CHRM3: variants seen among roughly 807,000 people sequenced by gnomAD.
The protein encoded by CHRM3 is muscarinic acetylcholine receptor M3.
Under a neutral mutation model 41.8 loss-of-function variants are expected in CHRM3, and 11 were observed. The observed-to-expected ratio is 0.26, with a 90% confidence interval of 0.17 to 0.44. The LOEUF (loss-of-function observed/expected upper bound fraction) is 0.44, where lower values mean the gene tolerates loss of function less well. Ranked by LOEUF, CHRM3 falls within the 20% of genes least tolerant of loss-of-function variation. The pLI, the probability that CHRM3 is intolerant of heterozygous loss-of-function variation, is 1.00. For synonymous variants in CHRM3, 297 were observed against 301.4 expected, an observed-to-expected ratio of 0.99 and a Z score of 0.15; for missense variants, 571 against 745.4, an observed-to-expected ratio of 0.77 and a Z score of 2.72.
intron 1 of CHRM3, among the ~76,000 whole-genome samples, chr1:239,488,859 T>C (rs1406771751): frequency 6.6e-6 from 1 of 151,306 alleles, no homozygotes; most frequent in Non-Finnish European, 1.5e-5. Flanking sequence ...TTCCCCTGTA[T>C]AAATTGTTAG....
intron 3 of CHRM3, among the ~76,000 whole-genome samples, chr1:239,562,888 CAA>C (rs1269385069): frequency 4.1e-4 from 21 of 51,242 alleles, no homozygotes; most frequent in African/African-American, 4.6e-4. Context: ...ACTCTGTCTC[CAA>C]AAAAAAAAAA....
intron 5 of CHRM3, among the ~76,000 whole-genome samples, chr1:239,796,773 G>A (rs906931856): frequency 1.3e-5 from 2 of 152,026 alleles, no homozygotes; most frequent in Non-Finnish European, 2.9e-5. Flanking sequence ...GTGAAGTCTG[G>A]GCTTTTAGTG....
chr1:239,439,257 C>A (rs1663515768), intron 1 of CHRM3, among the ~76,000 whole-genome samples: 1 of 152,190 alleles, frequency 6.6e-6, no homozygotes, highest in Non-Finnish European at 1.5e-5. Context: ...CCCAGGTGGT[C>A]ATGTCAAGAT....
chr1:239,446,901 A>G (rs1316161208), intron 1 of CHRM3, among the ~76,000 whole-genome samples: 2 of 152,188 alleles, frequency 1.3e-5, no homozygotes, highest in African/African-American at 4.8e-5. Flanking sequence ...CATGGAAATT[A>G]CTCACAAAAT....
At chr1:239,668,100 T>C (rs1412381213) in intron 4 of CHRM3, among the ~76,000 whole-genome samples, 7 of 134,438 alleles carry the variant, frequency 5.2e-5, no homozygotes, top group East Asian at 4.2e-4. Flanking sequence ...TTTTTTTTTT[T>C]TTTTTTTTTT....
intron 1 of CHRM3, among the ~76,000 whole-genome samples, chr1:239,484,241 G>C (rs537794881): frequency 3.3e-4 from 51 of 152,308 alleles, no homozygotes; most frequent in African/African-American, 1.2e-3. Context: ...TCACAGTCAT[G>C]ATGGAAGGTG....
chr1:239,463,777 G>A (rs1198762704), intron 1 of CHRM3, among the ~76,000 whole-genome samples: 1 of 152,046 alleles, frequency 6.6e-6, no homozygotes, highest in African/African-American at 2.4e-5. Context: ...TGATATGGCA[G>A]ATGTCTGCAA....
At chr1:239,777,159 G>T (rs1462408467) in intron 5 of CHRM3, among the ~76,000 whole-genome samples, 1 of 152,154 alleles carries the variant, frequency 6.6e-6, no homozygotes, top group South Asian at 2.1e-4. Flanking sequence ...TCTGGGAAAG[G>T]TTATTAAACA....
intron 2 of CHRM3, among the ~76,000 whole-genome samples, chr1:239,514,586 A>T (rs370347392): frequency 2.6e-5 from 4 of 152,108 alleles, no homozygotes; most frequent in Non-Finnish European, 5.9e-5. Flanking sequence ...TTTCTCGCTT[A>T]TCAATCTGTA....
chr1:239,669,204 C>T (rs1437857476), intron 4 of CHRM3, among the ~76,000 whole-genome samples: 1 of 152,112 alleles, frequency 6.6e-6, no homozygotes, highest in African/African-American at 2.4e-5. Flanking sequence ...TTTCTAATGC[C>T]TTAAAAGGGA....
At chr1:239,406,806 G>A (rs2103019191) in intron 1 of CHRM3, among the ~76,000 whole-genome samples, 1 of 152,272 alleles carries the variant, frequency 6.6e-6, no homozygotes, top group South Asian at 2.1e-4. Flanking sequence ...AGGTTCAGGA[G>A]GGGATAAAAA....
chr1:239,609,037 T>C (rs1666689398), intron 3 of CHRM3, among the ~76,000 whole-genome samples: 1 of 152,178 alleles, frequency 6.6e-6, no homozygotes, highest in African/African-American at 2.4e-5. Context: ...AGTTTTGACA[T>C]ATGTATACAC....
chr1:239,520,355 T>C (rs2148260016), intron 2 of CHRM3, among the ~76,000 whole-genome samples: 1 of 152,194 alleles, frequency 6.6e-6, no homozygotes, highest in African/African-American at 2.4e-5. Context: ...GATCGGATCG[T>C]GGGGGCGGAT....
rs573581991 is a variant in CHRM3 at position 239,777,122 on chromosome 1, T to C, written c.-146-50130T>C. Among the ~76,000 whole-genome samples, 4 of 152,314 alleles carry C rather than the reference T, an allele frequency of 2.6e-5. No individual in the cohort carries two copies. In the East Asian group the frequency reaches 5.8e-4, roughly 22 times the overall value. ...TTTGACTGTCTGTTCTATGTAACAC[T>C]CTGTGCTATTCTAGAAAAGGTTGTA... On this transcript the variant is annotated intron_variant, in intron 5 of 6. Coordinates refer to ENST00000676153, the MANE Select transcript of CHRM3 (RefSeq NM_001375978.1).
chr1:239,615,319 T>G (rs560095083), intron 3 of CHRM3, among the ~76,000 whole-genome samples: 60 of 152,302 alleles, frequency 3.9e-4, no homozygotes, highest in South Asian at 1.0e-3. Flanking sequence ...CAGCTTTTTC[T>G]TAGAGAAGAC....
At chr1:239,664,663 C>A (rs945386425) in intron 4 of CHRM3, among the ~76,000 whole-genome samples, 2 of 152,126 alleles carry the variant, frequency 1.3e-5, no homozygotes, top group Admixed American at 6.6e-5. Context: ...CTGGGTAGCA[C>A]CCTCTCTGGG....
intron 3 of CHRM3, among the ~76,000 whole-genome samples, chr1:239,548,861 A>G (rs1218659): frequency 0.045 from 6,890 of 152,324 alleles, 254 homozygotes; most frequent in African/African-American, 0.099. Context: ...GAAAAAAGCA[A>G]GGTTATGCGG....
At chr1:239,687,968 G>A (rs1377446390) in intron 5 of CHRM3, among the ~76,000 whole-genome samples, 1 of 151,936 alleles carries the variant, frequency 6.6e-6, no homozygotes, top group Non-Finnish European at 1.5e-5. Context: ...GCTAAGTGAT[G>A]CATGGATGTA....
intron 4 of CHRM3, among the ~76,000 whole-genome samples, chr1:239,633,452 G>T (rs569993942): frequency 6.6e-6 from 1 of 152,118 alleles, no homozygotes; most frequent in Admixed American, 6.5e-5. Context: ...ATTACGGTTC[G>T]AGATGATATT....
Sources: gnomAD v4.1 joint callset for allele counts (sites outside exome capture counted in the v4.1 genomes callset) on GRCh38, gnomAD v4.1.1 for gene constraint, MANE v1.5 for transcripts, NCBI Gene and HGNC (gene_info 2026-07-23, HGNC 2026-07-21) for gene names.